The following NID2 variants were observed in gnomAD, a reference collection of about 807,000 sequenced individuals.
NID2 encodes nidogen 2.
NID2 carries 83 observed loss-of-function variants against 145.4 expected under a neutral mutation model. The ratio of observed to expected loss-of-function variants is 0.57; its 90% CI spans 0.48 to 0.69. The LOEUF (loss-of-function observed/expected upper bound fraction) is 0.69, where lower values mean the gene tolerates loss of function less well. Ranked by LOEUF, NID2 falls within the 30% of genes least tolerant of loss-of-function variation. The probability of loss-of-function intolerance (pLI) is 0.00; values close to 1 mark genes in which losing one functional copy is unlikely to be tolerated. For synonymous variants in NID2, 739 were observed against 701.3 expected (o/e 1.05, Z -0.85); for missense variants, 1,807 against 1,765.7 (o/e 1.02, Z -0.42).
intron 20 of NID2, 83 bp downstream of exon 20, chr14:52,006,454 G>C: frequency 6.5e-7 from 1 of 1,535,954 alleles, no homozygotes; most frequent in South Asian, 1.2e-5. Context: ...AGTCAAGTCA[G>C]GTACTGACTT....
rs1890735868 is a variant in NID2 at position 52,005,496 on chromosome 14, C to CA, written c.4118-1_4118insT (p.Gly1373ValfsTer9). The CA allele has an allele frequency of 2.5e-6, 4 of 1,598,330 alleles. No homozygotes were observed. The highest frequency in any genetic ancestry group is 2.7e-5 in the African/African-American group (2 of 74,026). On this transcript the variant is annotated frameshift_variant and splice_region_variant. Transcript: ENST00000216286. LOFTEE classifies it high-confidence loss of function. ...TTTACATTACTGTACTTACTTTCTT[C>CA]CTGTGAGAGAAGAGCAGGGGTGGGA...
At chr14:52,054,577 A>C (rs1355061130) in intron 3 of NID2, among the ~76,000 whole-genome samples, 1 of 152,294 alleles carries the variant, frequency 6.6e-6, no homozygotes, top group East Asian at 1.9e-4. Context: ...GCATGGTGCC[A>C]CATGCCTGTG....
In NID2 at chr14:52,005,878, G is replaced by C. The variant is rs760946458; in HGVS notation, c.4005-29C>G. 4.0e-6 allele frequency: 6 copies of C among 1,507,078 alleles called. No homozygotes were observed. In the Admixed American group the frequency reaches 1.0e-4, roughly 26 times the overall value. 93.4% of individuals were successfully genotyped at this position (1,507,078 alleles called of 1,614,324 possible). A position where few individuals can be genotyped will look rare whatever the true frequency, so the allele number is the denominator to read the frequency against. ...GTAACAGAAAGGAAGAGTGAATTCA[G>C]GGACAGTCATTTACTAGATAAAGAA... On this transcript the variant is annotated intron_variant, in intron 20 of 21. Transcript: ENST00000216286.
intron 3 of NID2, among the ~76,000 whole-genome samples, chr14:52,054,525 G>C (rs1497085): frequency 0.62 from 94,815 of 152,030 alleles, 30,970 homozygotes; most frequent in Non-Finnish European, 0.75. Context: ...AACATAGTGA[G>C]ACCCTGCCTC....
chr14:52,007,008 TC>T (rs1890811972), intron 19 of NID2: 1 of 168,428 alleles, frequency 5.9e-6, no homozygotes, highest in African/African-American at 2.4e-5. Context: ...GTAAGCTATG[TC>T]TATAATTACT....
intron 19 of NID2, 49 bp downstream of exon 19, chr14:52,007,761 A>G: frequency 1.3e-6 from 2 of 1,506,162 alleles, no homozygotes; most frequent in Non-Finnish European, 1.8e-6. Flanking sequence ...TAGTGCTCAC[A>G]TTCACTGTGA....
intron 9 of NID2, among the ~76,000 whole-genome samples, chr14:52,032,976 G>A (rs1413982835): frequency 6.6e-6 from 1 of 152,142 alleles, no homozygotes; most frequent in African/African-American, 2.4e-5. Context: ...TGAAAATGTG[G>A]AGCCCATGGT....
chr14:52,019,964 CCAGACCAGGCTA>C, intron 13 of NID2, 83 bp downstream of exon 13: 1 of 1,516,388 alleles, frequency 6.6e-7, no homozygotes. Flanking sequence ...CACCAAGGCT[CCAGACCAGGCTA>C]AATCAAGAGT....
intron 21 of NID2, 21 bp downstream of exon 21, chr14:52,005,716 A>G (rs1293288719): frequency 6.4e-7 from 1 of 1,574,242 alleles, no homozygotes; most frequent in Non-Finnish European, 8.7e-7. Flanking sequence ...TTAAAGGAGC[A>G]TCCTAAAGCA....
At chr14:52,049,736 C>T (rs1892626473) in intron 5 of NID2, among the ~76,000 whole-genome samples, 1 of 152,142 alleles carries the variant, frequency 6.6e-6, no homozygotes, top group Admixed American at 6.5e-5. Flanking sequence ...ATGTGTGTGG[C>T]ATGTAATGAT....
At chr14:52,008,056 T>C in intron 18 of NID2, 89 bp from the exon 19 acceptor site, 1 of 1,042,562 alleles carries the variant, frequency 9.6e-7, no homozygotes, top group Non-Finnish European at 1.4e-6. Flanking sequence ...CTCCATCTCC[T>C]CATGTATTAT....
intron 10 of NID2, among the ~76,000 whole-genome samples, chr14:52,029,076 G>C (rs1044300749): frequency 6.6e-6 from 1 of 152,144 alleles, no homozygotes; most frequent in Admixed American, 6.5e-5. Flanking sequence ...ATTTTTAAGT[G>C]AATATTCTAA....
At chr14:52,018,520 G>A (rs1030764769) in intron 14 of NID2, among the ~76,000 whole-genome samples, 3 of 152,216 alleles carry the variant, frequency 2.0e-5, no homozygotes, top group African/African-American at 7.2e-5. Flanking sequence ...TGCCTCCTCT[G>A]AGATGTTGGG....
intron 12 of NID2, among the ~76,000 whole-genome samples, chr14:52,023,352 G>T (rs116320177): frequency 3.9e-5 from 6 of 152,044 alleles, no homozygotes; most frequent in Admixed American, 6.5e-5. Flanking sequence ...TACTTGGGGG[G>T]GCTGAGATGT....
At position 52,005,010 on chromosome 14, in the gene NID2, T is replaced by C. The variant is rs539313315; in HGVS notation, c.*476A>G. ...CAGAGGTAAAAAATCTTAGAACTTT[T>C]GTTGGGAAACTATAAATAATTGGTC... On this transcript the variant is annotated 3_prime_UTR_variant, in exon 22 of 22. Coordinates refer to ENST00000216286, the MANE Select transcript of NID2 (RefSeq NM_007361.4). 1 of 157,574 alleles carries C rather than the reference T, an allele frequency of 6.3e-6. No homozygotes were observed. Among genetic ancestry groups the C allele is most frequent in the East Asian group, 1.9e-4 (1 of 5,312 alleles). The allele number at this position is 157,574 out of a possible 1,614,324, so 9.8% of individuals were successfully genotyped here. A position where few individuals can be genotyped will look rare whatever the true frequency, so the allele number is the denominator to read the frequency against.
At chr14:52,035,408 T>C (rs1362511647) in intron 9 of NID2, among the ~76,000 whole-genome samples, 1 of 152,228 alleles carries the variant, frequency 6.6e-6, no homozygotes, top group African/African-American at 2.4e-5. Context: ...CAGAGCAACA[T>C]GCTTTTAAGT....
intron 18 of NID2, 37 bp downstream of exon 18, chr14:52,010,839 C>T: frequency 6.2e-7 from 1 of 1,600,090 alleles, no homozygotes; most frequent in Non-Finnish European, 8.5e-7. Context: ...ACATCAGGAT[C>T]TACAGGTAAG....
intron 8 of NID2, among the ~76,000 whole-genome samples, chr14:52,040,155 G>C (rs760366122): frequency 6.6e-6 from 1 of 151,940 alleles, no homozygotes; most frequent in Non-Finnish European, 1.5e-5. Flanking sequence ...TGGCCAGGCT[G>C]GTCTTGAACT....
chr14:52,041,393 C>G (rs1007575447), intron 7 of NID2, among the ~76,000 whole-genome samples: 1 of 152,284 alleles, frequency 6.6e-6, no homozygotes, highest in African/African-American at 2.4e-5. Context: ...TAACAGCTAC[C>G]GAGCTCTGCA....
Sources: gnomAD v4.1 joint callset for allele counts (sites outside exome capture counted in the v4.1 genomes callset) on GRCh38, gnomAD v4.1.1 for gene constraint, MANE v1.5 for transcripts, NCBI Gene and HGNC (gene_info 2026-07-23, HGNC 2026-07-21) for gene names.